AGBL1: variants seen among roughly 807,000 people sequenced by gnomAD.
The protein encoded by AGBL1 is AGBL carboxypeptidase 1.
Under a neutral mutation model 118.9 loss-of-function variants are expected in AGBL1, and 130 were observed. The observed-to-expected ratio is 1.09, with a 90% CI of 0.95 to 1.26. The LOEUF (loss-of-function observed/expected upper bound fraction) is 1.26, where lower values mean the gene tolerates loss of function less well. Among genes scored for constraint, AGBL1 ranks in the 50% most tolerant of loss-of-function variants. The pLI is 0.00. For missense variants in AGBL1, 1,584 were observed against 1,298.1 expected (o/e 1.22, Z -3.38); for synonymous variants, 555 against 478.9 (o/e 1.16, Z -2.08).
chr15:86,845,708 T>C (rs1296645674), intron 22 of AGBL1, among the ~76,000 whole-genome samples: 1 of 152,196 alleles, frequency 6.6e-6, no homozygotes, highest in Non-Finnish European at 1.5e-5. Context: ...CGCCCAGGGT[T>C]TTCTTGATAA....
intron 18 of AGBL1, among the ~76,000 whole-genome samples, chr15:86,428,715 G>A (rs556211914): frequency 7.9e-5 from 12 of 152,266 alleles, no homozygotes; most frequent in African/African-American, 2.2e-4. Flanking sequence ...AATAGAGTTC[G>A]CAGAATATCT....
intron 19 of AGBL1, among the ~76,000 whole-genome samples, chr15:86,528,046 C>A (rs541220676): frequency 6.6e-6 from 1 of 152,262 alleles, no homozygotes; most frequent in South Asian, 2.1e-4. Flanking sequence ...TATGGTGCTA[C>A]GTGTCAGGGA....
At chr15:86,959,310 C>A (rs1293782675) in intron 23 of AGBL1, among the ~76,000 whole-genome samples, 1 of 152,074 alleles carries the variant, frequency 6.6e-6, no homozygotes, top group Admixed American at 6.6e-5. Context: ...TCTACTTATA[C>A]AAACACAATA....
intron 17 of AGBL1, among the ~76,000 whole-genome samples, chr15:86,351,572 C>T (rs781030343): frequency 4.6e-5 from 7 of 152,228 alleles, no homozygotes; most frequent in Non-Finnish European, 8.8e-5. Flanking sequence ...CCTTTGCACA[C>T]GTGATGCTAT....
rs776681505 is a variant in AGBL1, at chr15:86,267,054, C to T, written c.1816C>T (p.Arg606Cys). The T allele has an allele frequency of 1.0e-5, 16 of 1,566,036 alleles. No individual in the cohort carries two copies. Among genetic ancestry groups the T allele is most frequent in the East Asian group, 4.7e-5 (2 of 42,544 alleles). Residue 606 changes from arginine (R) to cysteine (C), a missense_variant, in exon 13 of 23, where the codon CGC (arginine) becomes TGC (cysteine). By Grantham distance (180) the Arg-to-Cys change is radical. Transcript: ENST00000614907. Reference sequence around the variant, plus strand: ...CTCCAAATTTGAGTCAGGAAATCTTCGCAAAGCCATCCAAGTGCGTGAGTA... The same window carrying T: ...CTCCAAATTTGAGTCAGGAAATCTTTGCAAAGCCATCCAAGTGCGTGAGTA... The part of the protein sequence containing the change: ...FFSKFESGNL[R>C]KAIQVREFEY...
chr15:86,134,562 T>C (rs575025279), intron 1 of AGBL1, among the ~76,000 whole-genome samples: 1 of 151,244 alleles, frequency 6.6e-6, no homozygotes, highest in African/African-American at 2.4e-5. Context: ...TACAGGATCC[T>C]TTTTTCCCCT....
At position 86,707,141 on chromosome 15, in the gene AGBL1, A is replaced by G. The variant is rs374429666; in HGVS notation, c.3158+32705A>G. ...TAGATCCTATTAGAGCACTTCACTC[A>G]GCAAGTACCTGACATACAGGGATTC... is the stretch of plus-strand genomic sequence containing the variant. On this transcript the variant is annotated intron_variant, in intron 22 of 22. Transcript: ENST00000614907. Among the ~76,000 whole-genome samples, 56 of 152,252 alleles carry G rather than the reference A, an allele frequency of 3.7e-4. No individual in the cohort carries two copies. In the South Asian group the frequency reaches 9.9e-3, roughly 27 times the overall value.
chr15:86,969,959 T>C (rs72755689), intron 23 of AGBL1, among the ~76,000 whole-genome samples: 6,352 of 152,010 alleles, frequency 0.042, 164 homozygotes, highest in Middle Eastern at 0.071. Context: ...GAATTTTCTC[T>C]AGCTACATGG....
intron 22 of AGBL1, among the ~76,000 whole-genome samples, chr15:86,757,741 G>C (rs566918313): frequency 2.0e-5 from 3 of 151,792 alleles, no homozygotes; most frequent in Admixed American, 2.0e-4. Context: ...CTTTCCTCCC[G>C]CTGGTCCTCT....
At chr15:86,760,901 C>A (rs2078013398) in intron 22 of AGBL1, among the ~76,000 whole-genome samples, 1 of 152,032 alleles carries the variant, frequency 6.6e-6, no homozygotes, top group African/African-American at 2.4e-5. Context: ...GTGAAGTGGA[C>A]AGTTCAGTAA....
At chr15:86,397,290 A>G in intron 17 of AGBL1, 76 bp from the exon 18 acceptor site, 1 of 1,115,004 alleles carries the variant, frequency 9.0e-7, no homozygotes, top group Non-Finnish European at 1.2e-6. Flanking sequence ...AAGAAGCAAA[A>G]AAGAAGTTTA....
At chr15:86,543,003 A>G (rs750671201) in intron 19 of AGBL1, among the ~76,000 whole-genome samples, 12 of 152,198 alleles carry the variant, frequency 7.9e-5, no homozygotes, top group Non-Finnish European at 1.8e-4. Context: ...GTGTGTTTTG[A>G]CCATTTACAA....
At chr15:86,090,889 A>G (rs1895977095) in intron 1 of AGBL1, among the ~76,000 whole-genome samples, 1 of 152,194 alleles carries the variant, frequency 6.6e-6, no homozygotes, top group Admixed American at 6.5e-5. Flanking sequence ...GCTTATGCCA[A>G]GAGTCAACAC....
In AGBL1 at chr15:86,378,336, G is replaced by A. The variant is rs560650207; in HGVS notation, c.2375-19030G>A. Among the ~76,000 whole-genome samples, 6 of 152,194 alleles carry A rather than the reference G, an allele frequency of 3.9e-5. No homozygotes were observed. In the South Asian group the frequency reaches 1.2e-3, roughly 32 times the overall value. Reference sequence around the variant, plus strand: ...TTTATTTCCCTTTCCCGTCAATGCTGATTACCACAGAAGATATTTCTGTGT... The same window carrying A: ...TTTATTTCCCTTTCCCGTCAATGCTAATTACCACAGAAGATATTTCTGTGT... On this transcript the variant is annotated intron_variant, in intron 17 of 22. Coordinates refer to ENST00000614907, the MANE Select transcript of AGBL1 (RefSeq NM_001386094.1).
intron 19 of AGBL1, among the ~76,000 whole-genome samples, chr15:86,526,490 G>A (rs1023000523): frequency 1.4e-5 from 2 of 147,952 alleles, no homozygotes; most frequent in Admixed American, 1.4e-4. Flanking sequence ...ATTGATGAGT[G>A]GATGAAGAAA....
chr15:86,979,557 C>G (rs1486289339), intron 23 of AGBL1, among the ~76,000 whole-genome samples: 2 of 151,884 alleles, frequency 1.3e-5, no homozygotes, highest in Non-Finnish European at 2.9e-5. Flanking sequence ...GGCGCGATCT[C>G]GGCTCACTGC....
In AGBL1 at chr15:87,007,868, A is replaced by G. The variant is rs145656836; in HGVS notation, c.3323+19780A>G. Among the ~76,000 whole-genome samples, 925 of 152,326 alleles carry G rather than the reference A, an allele frequency of 6.1e-3. 7 individuals carry two copies. The highest frequency in any genetic ancestry group is 0.011 in the South Asian group (52 of 4,828). On this transcript the variant is annotated intron_variant, in intron 24 of 24. Transcript: ENST00000441037. ...ATTAAATAGCCTAATGTATATGGCA[A>G]TTCCTTGTAACAACCTGCCATGATA...
At chr15:86,717,455 C>A (rs1161112121) in intron 22 of AGBL1, among the ~76,000 whole-genome samples, 15 of 152,094 alleles carry the variant, frequency 9.9e-5, no homozygotes, top group Admixed American at 3.3e-4. Context: ...CCACCAAGAC[C>A]AGAGGCTAGA....
At chr15:87,015,660 G>A (rs943580781) in intron 24 of AGBL1, among the ~76,000 whole-genome samples, 1 of 152,058 alleles carries the variant, frequency 6.6e-6, no homozygotes, top group African/African-American at 2.4e-5. Flanking sequence ...ATCTCCTAAA[G>A]CATTTTATGG....
Sources: gnomAD v4.1 joint callset for allele counts (sites outside exome capture counted in the v4.1 genomes callset) on GRCh38, gnomAD v4.1.1 for gene constraint, MANE v1.5 for transcripts, NCBI Gene and HGNC (gene_info 2026-07-23, HGNC 2026-07-21) for gene names.